Variants in ADGRB3 observed in about 807,000 individuals in gnomAD.
The protein encoded by ADGRB3 is brain-specific angiogenesis inhibitor 3.
ADGRB3 carries 37 observed loss-of-function variants against 193.4 expected under a neutral mutation model. The observed-to-expected ratio is 0.19, with a 90% CI of 0.15 to 0.25. ADGRB3 has a LOEUF of 0.25. ADGRB3 is among the 10% of genes least tolerant of loss of function. The probability of loss-of-function intolerance (pLI) is 1.00; values close to 1 mark genes in which losing one functional copy is unlikely to be tolerated. For synonymous variants in ADGRB3, 690 were observed against 644.2 expected (o/e 1.07, Z -1.08); for missense variants, 1,637 against 1,852.9 (o/e 0.88, Z 2.14).
chr6:69,378,320 G>A (rs901423539), intron 30 of ADGRB3, among the ~76,000 whole-genome samples: 39 of 152,116 alleles, frequency 2.6e-4, no homozygotes, highest in African/African-American at 8.4e-4. Flanking sequence ...TTACAAACCT[G>A]AATAGTCTAA....
At chr6:69,186,719 A>G (rs1023868507) in intron 17 of ADGRB3, among the ~76,000 whole-genome samples, 2 of 152,124 alleles carry the variant, frequency 1.3e-5, no homozygotes, top group African/African-American at 4.8e-5. Flanking sequence ...TGTCTTTCAG[A>G]TATATACCAA....
At chr6:68,936,717 G>A (rs748993230) in intron 5 of ADGRB3, 37 bp downstream of exon 5, 1 of 1,588,864 alleles carries the variant, frequency 6.3e-7, no homozygotes, top group Non-Finnish European at 8.6e-7. Flanking sequence ...GGATGTTATT[G>A]AATTGTGTCA....
chr6:68,661,067 AC>A (rs1561986102), intron 3 of ADGRB3, among the ~76,000 whole-genome samples: 1 of 150,516 alleles, frequency 6.6e-6, no homozygotes, highest in African/African-American at 2.4e-5. Context: ...GATTTTATAT[AC>A]AAAAAAATGT....
At chr6:69,362,780 G>T (rs1404037889) in intron 29 of ADGRB3, among the ~76,000 whole-genome samples, 1 of 151,966 alleles carries the variant, frequency 6.6e-6, no homozygotes, top group Admixed American at 6.6e-5. Flanking sequence ...TGAATTAGCA[G>T]AATAGCTGCA....
chr6:69,343,034 T>C (rs1769009598), intron 26 of ADGRB3, among the ~76,000 whole-genome samples: 1 of 151,908 alleles, frequency 6.6e-6, no homozygotes, highest in Admixed American at 6.6e-5. Flanking sequence ...AGGAGGTGGA[T>C]CTACACAGGG....
chr6:68,773,598 C>T (rs1272721463), intron 3 of ADGRB3, among the ~76,000 whole-genome samples: 1 of 152,134 alleles, frequency 6.6e-6, no homozygotes, highest in Non-Finnish European at 1.5e-5. Context: ...TATGCTCTCT[C>T]CATTTGTCTG....
intron 17 of ADGRB3, among the ~76,000 whole-genome samples, chr6:69,078,132 C>A (rs968258155): frequency 6.6e-6 from 1 of 151,862 alleles, no homozygotes; most frequent in African/African-American, 2.4e-5. Context: ...ATACAGAAAA[C>A]GGCTGTCTTA....
chr6:68,901,294 A>G (rs1385279891), intron 3 of ADGRB3, among the ~76,000 whole-genome samples: 2 of 152,298 alleles, frequency 1.3e-5, no homozygotes, highest in East Asian at 3.9e-4. Flanking sequence ...TGTTATATGC[A>G]GGCCCTGGCT....
At chr6:69,200,850 C>G (rs749576120) in intron 17 of ADGRB3, among the ~76,000 whole-genome samples, 1 of 152,046 alleles carries the variant, frequency 6.6e-6, no homozygotes, top group Non-Finnish European at 1.5e-5. Context: ...AAAGAAAAGG[C>G]AAAGAAGTTT....
At chr6:68,787,905 T>G (rs939006788) in intron 3 of ADGRB3, among the ~76,000 whole-genome samples, 2 of 152,244 alleles carry the variant, frequency 1.3e-5, no homozygotes, top group Non-Finnish European at 2.9e-5. Context: ...GTGGAGGAAT[T>G]TATCCATTTC....
chr6:68,748,469 C>T (rs1001773820), intron 3 of ADGRB3, among the ~76,000 whole-genome samples: 2 of 152,306 alleles, frequency 1.3e-5, no homozygotes, highest in Middle Eastern at 6.8e-3. Flanking sequence ...GCAGGGCAGT[C>T]AAATTTTAAA....
At chr6:68,956,288 T>A in intron 7 of ADGRB3, 100 bp downstream of exon 7, 1 of 1,168,652 alleles carries the variant, frequency 8.6e-7, no homozygotes, top group Non-Finnish European at 1.2e-6. Context: ...AAGAAGATAA[T>A]CATTATATAT....
intron 20 of ADGRB3, among the ~76,000 whole-genome samples, chr6:69,257,918 CCTGT>C (rs757384429): frequency 2.3e-4 from 35 of 152,260 alleles, no homozygotes; most frequent in Non-Finnish European, 4.4e-4. Flanking sequence ...TGTTGGCAGA[CCTGT>C]CTATTTGTAG....
intron 3 of ADGRB3, among the ~76,000 whole-genome samples, chr6:68,724,226 A>T (rs765146664): frequency 3.3e-5 from 5 of 151,668 alleles, no homozygotes; most frequent in Non-Finnish European, 7.4e-5. Context: ...GGTCATGTAG[A>T]GGTCACGTTA....
At chr6:69,070,163 C>A (rs949107478) in intron 16 of ADGRB3, among the ~76,000 whole-genome samples, 1 of 152,122 alleles carries the variant, frequency 6.6e-6, no homozygotes, top group African/African-American at 2.4e-5. Flanking sequence ...TATTTACTTG[C>A]TGTGCCTCCA....
intron 20 of ADGRB3, among the ~76,000 whole-genome samples, chr6:69,270,011 A>G (rs150056640): frequency 3.1e-3 from 474 of 152,288 alleles, no homozygotes; most frequent in African/African-American, 0.01. Flanking sequence ...ATAAAGTACA[A>G]TGTTTCTCAT....
At chr6:68,877,082 C>T (rs1235346684) in intron 3 of ADGRB3, among the ~76,000 whole-genome samples, 1 of 151,958 alleles carries the variant, frequency 6.6e-6, no homozygotes, top group East Asian at 1.9e-4. Context: ...ATCCACATAT[C>T]TCTTGACTTT....
At chr6:69,264,637 C>G (rs918881828) in intron 20 of ADGRB3, among the ~76,000 whole-genome samples, 3 of 151,728 alleles carry the variant, frequency 2.0e-5, no homozygotes, top group Non-Finnish European at 4.4e-5. Flanking sequence ...CGCTCTAGGT[C>G]TTCTCAGAAA....
intron 1 of ADGRB3, among the ~76,000 whole-genome samples, chr6:68,636,958 CAAA>C (rs34410124): frequency 6.9e-4 from 83 of 119,606 alleles, no homozygotes; most frequent in South Asian, 1.4e-3. Flanking sequence ...AGTGCAACAC[CAAA>C]AAAAAAAAAA....
Sources: gnomAD v4.1 joint callset for allele counts (sites outside exome capture counted in the v4.1 genomes callset) on GRCh38, gnomAD v4.1.1 for gene constraint, MANE v1.5 for transcripts, NCBI Gene and HGNC (gene_info 2026-07-23, HGNC 2026-07-21) for gene names.